The following KYNU variants were observed in gnomAD, a reference collection of about 807,000 sequenced individuals.
KYNU encodes kynureninase.
Under a neutral mutation model 59.2 loss-of-function variants are expected in KYNU, and 54 were observed. The observed-to-expected ratio is 0.91, with a 90% CI of 0.73 to 1.14. The LOEUF (loss-of-function observed/expected upper bound fraction) is 1.14, where lower values mean the gene tolerates loss of function less well. KYNU is among the 50% of genes most tolerant of loss of function. The pLI is 0.00. For synonymous variants in KYNU, 177 were observed against 192.0 expected (o/e 0.92, Z 0.65); for missense variants, 567 against 554.4 (o/e 1.02, Z -0.23).
At chr2:142,893,643 T>C (rs945968604) in intron 2 of KYNU, among the ~76,000 whole-genome samples, 1 of 152,080 alleles carries the variant, frequency 6.6e-6, no homozygotes, top group Admixed American at 6.6e-5. Flanking sequence ...AATATGATTG[T>C]GCATTGAGAA....
intron 13 of KYNU, among the ~76,000 whole-genome samples, 157 bp downstream of exon 13, chr2:143,040,815 A>T (rs1185800454): frequency 6.6e-6 from 1 of 152,104 alleles, no homozygotes; most frequent in African/African-American, 2.4e-5. Flanking sequence ...GCACTGTGCT[A>T]ACTGAAAGGC....
intron 10 of KYNU, among the ~76,000 whole-genome samples, chr2:143,016,657 C>G (rs1486423467): frequency 6.6e-6 from 1 of 152,148 alleles, no homozygotes; most frequent in East Asian, 1.9e-4. Context: ...GTGTTCTAAC[C>G]ATACCAAAAA....
intron 2 of KYNU, among the ~76,000 whole-genome samples, chr2:142,898,940 G>A (rs1010918807): frequency 3.3e-5 from 5 of 152,148 alleles, no homozygotes; most frequent in African/African-American, 1.2e-4. Context: ...TGAGCCTTTA[G>A]CCCGATCGGG....
At chr2:143,031,602 T>C (rs1042453985) in intron 11 of KYNU, among the ~76,000 whole-genome samples, 1 of 152,088 alleles carries the variant, frequency 6.6e-6, no homozygotes, top group Non-Finnish European at 1.5e-5. Flanking sequence ...TATGCATCTG[T>C]AGTCCCAGCT....
intron 4 of KYNU, chr2:142,946,989 T>C (rs549383118): frequency 6.7e-7 from 1 of 1,491,054 alleles, no homozygotes. Context: ...ATAGCCAACT[T>C]GAGACAAGTT....
chr2:142,948,317 T>C (rs878940352), intron 4 of KYNU, among the ~76,000 whole-genome samples: 1 of 152,210 alleles, frequency 6.6e-6, no homozygotes, highest in Non-Finnish European at 1.5e-5. Context: ...CTTGCTCTGG[T>C]TTAGGCTTTG....
At chr2:142,891,492 T>C (rs1681712929) in intron 2 of KYNU, among the ~76,000 whole-genome samples, 1 of 152,210 alleles carries the variant, frequency 6.6e-6, no homozygotes, top group African/African-American at 2.4e-5. Context: ...ACACCCAACT[T>C]TAGTAGACTT....
At chr2:142,904,892 G>A (rs1017055806) in intron 2 of KYNU, among the ~76,000 whole-genome samples, 5 of 152,080 alleles carry the variant, frequency 3.3e-5, no homozygotes, top group African/African-American at 9.7e-5. Flanking sequence ...AAAGGGATCC[G>A]GGCTGCTGGA....
chr2:142,959,586 CAA>C (rs1451436427), intron 7 of KYNU, among the ~76,000 whole-genome samples: 3 of 118,918 alleles, frequency 2.5e-5, no homozygotes, highest in Admixed American at 8.4e-5. Context: ...AGCTCCGTCT[CAA>C]AAAAAAAAAA....
intron 4 of KYNU, among the ~76,000 whole-genome samples, chr2:142,944,190 G>A (rs907699939): frequency 1.3e-5 from 2 of 152,078 alleles, no homozygotes; most frequent in Non-Finnish European, 2.9e-5. Context: ...CAGTTTCCTC[G>A]TTATGAAATG....
rs940537231 is a variant in KYNU at position 143,048,954 on chromosome 2, C to T, written c.*6782C>T. 7 of 152,088 alleles carry T rather than the reference C, an allele frequency of 4.6e-5. No homozygotes were observed. Among genetic ancestry groups the T allele is most frequent in the Admixed American group, 1.3e-4 (2 of 15,272 alleles). 9.4% of individuals were successfully genotyped at this position (152,088 alleles called of 1,614,324 possible). A position where few individuals can be genotyped will look rare whatever the true frequency, so the allele number is the denominator to read the frequency against. On this transcript the variant is annotated 3_prime_UTR_variant, in exon 14 of 14. Coordinates refer to ENST00000264170, the MANE Select transcript of KYNU (RefSeq NM_003937.3). ...TAAGGGCTCTTTGTCTTTAATGATC[C>T]GCATTTTTATTATGATGTGTCTAGG... is the stretch of plus-strand genomic sequence containing the variant.
At chr2:143,003,909 C>T (rs1472842098) in intron 10 of KYNU, among the ~76,000 whole-genome samples, 1 of 145,134 alleles carries the variant, frequency 6.9e-6, no homozygotes, top group Non-Finnish European at 1.5e-5. Context: ...CTGTGTTTGA[C>T]ATATTGTGTT....
rs1359345540 is a variant in KYNU, at chr2:143,040,510, A to T, written c.1124A>T (p.Asn375Ile). The T allele has an allele frequency of 8.7e-6, 14 of 1,613,248 alleles. No homozygotes were observed. Among genetic ancestry groups the T allele is most frequent in the Non-Finnish European group, 1.2e-5 (14 of 1,179,544 alleles). Residue 375 changes from asparagine (N) to isoleucine (I), a missense_variant, in exon 13 of 14, where the codon AAC becomes ATC. Coordinates refer to ENST00000264170, the MANE Select transcript of KYNU (RefSeq NM_003937.3). ...TATCTGGAATACCTGATCAAGCATAACTATGGCAAAGATAAAGCAGCAACC... is the reference window on the plus strand; with the variant it reads ...TATCTGGAATACCTGATCAAGCATATCTATGGCAAAGATAAAGCAGCAACC... ...TGYLEYLIKHNYGKDKAATKK... is the reference protein window; with the variant it reads ...TGYLEYLIKHIYGKDKAATKK...
In KYNU at chr2:142,980,749, G is replaced by T. The variant is rs557887358; in HGVS notation, c.730-4335G>T. 1.1e-4 allele frequency among the ~76,000 whole-genome samples: 17 copies of T among 152,198 alleles called. No homozygotes were observed. In the East Asian group the frequency reaches 3.3e-3, roughly 29 times the overall value. ...GAGTGTGAGCTGTGTCAGTATGAGT[G>T]TGATTGTATCAACATGAGTGTGAGC... On this transcript the variant is annotated intron_variant, in intron 8 of 13. Coordinates refer to ENST00000264170, the MANE Select transcript of KYNU (RefSeq NM_003937.3).
At chr2:142,979,106 T>A (rs910357968) in intron 8 of KYNU, among the ~76,000 whole-genome samples, 8 of 152,110 alleles carry the variant, frequency 5.3e-5, no homozygotes, top group East Asian at 1.9e-4. Context: ...TTAGAAAAAA[T>A]TTTAGTTTTG....
At position 143,050,885 on chromosome 2, in the gene KYNU, T is replaced by C. The variant is rs1449277635; in HGVS notation, c.*8713T>C. The C allele has an allele frequency of 6.6e-6, 1 of 152,134 alleles. No individual in the cohort carries two copies. The highest frequency in any genetic ancestry group is 6.6e-5 in the Admixed American group (1 of 15,256). 9.4% of individuals were successfully genotyped at this position (152,134 alleles called of 1,614,324 possible). A position where few individuals can be genotyped will look rare whatever the true frequency, so the allele number is the denominator to read the frequency against. ...TTTGCACCACTTCAAGAAAGAAACCTTCAAACAGCCTGGAAATATCACATC... is the reference window on the plus strand; with the variant it reads ...TTTGCACCACTTCAAGAAAGAAACCCTCAAACAGCCTGGAAATATCACATC... On this transcript the variant is annotated 3_prime_UTR_variant, in exon 14 of 14. Coordinates refer to ENST00000264170, the MANE Select transcript of KYNU (RefSeq NM_003937.3).
intron 2 of KYNU, among the ~76,000 whole-genome samples, chr2:142,909,399 G>A (rs540231156): frequency 6.6e-6 from 1 of 152,052 alleles, no homozygotes; most frequent in African/African-American, 2.4e-5. Flanking sequence ...GTGCAAGTTT[G>A]TTATATGGGT....
chr2:142,916,232 T>C (rs1444597348), intron 2 of KYNU, among the ~76,000 whole-genome samples: 1 of 152,162 alleles, frequency 6.6e-6, no homozygotes, highest in African/African-American at 2.4e-5. Flanking sequence ...TTACTGAATG[T>C]GGAGACTTGG....
chr2:142,914,895 C>G (rs1340338165), intron 2 of KYNU, among the ~76,000 whole-genome samples: 1 of 152,094 alleles, frequency 6.6e-6, no homozygotes, highest in Non-Finnish European at 1.5e-5. Context: ...TTTGGTGGAC[C>G]CAGTTTCTAA....
Sources: gnomAD v4.1 joint callset for allele counts (sites outside exome capture counted in the v4.1 genomes callset) on GRCh38, gnomAD v4.1.1 for gene constraint, MANE v1.5 for transcripts, NCBI Gene and HGNC (gene_info 2026-07-23, HGNC 2026-07-21) for gene names.